The following SYBU variants were observed in gnomAD, a reference collection of about 807,000 sequenced individuals.
The protein encoded by SYBU is syntabulin, also known as GOLSYN A protein.
In SYBU, 21 loss-of-function variants were observed where a neutral mutation model predicts 35.9. The ratio of observed to expected loss-of-function variants is 0.58; its 90% CI spans 0.41 to 0.84. The LOEUF (loss-of-function observed/expected upper bound fraction) is 0.84. Ranked by LOEUF, SYBU falls within the 40% of genes least tolerant of loss-of-function variation. The pLI is 0.00. For missense variants in SYBU, 768 were observed against 848.2 expected (o/e 0.91, Z 1.17); for synonymous variants, 319 against 324.3 (o/e 0.98, Z 0.18).
chr8:109,669,913 T>A (rs1563774236), intron 1 of SYBU, among the ~76,000 whole-genome samples: 1 of 152,220 alleles, frequency 6.6e-6, no homozygotes, highest in Admixed American at 6.5e-5. Flanking sequence ...TGAATGCTCA[T>A]CATAGTCACA....
intron 3 of SYBU, among the ~76,000 whole-genome samples, chr8:109,591,111 A>C (rs1824189388): frequency 6.6e-6 from 1 of 152,254 alleles, no homozygotes. Context: ...GTGGTATAGC[A>C]GCAGCCTAAG....
At chr8:109,589,538 C>T (rs1423461487) in intron 3 of SYBU, among the ~76,000 whole-genome samples, 1 of 152,214 alleles carries the variant, frequency 6.6e-6, no homozygotes, top group Non-Finnish European at 1.5e-5. Context: ...CTGCAGAAGG[C>T]ACTTTTCCAA....
At chr8:109,647,640 A>G (rs1003454739), upstream of SYBU, 2 of 152,234 alleles carry the variant, frequency 1.3e-5, no homozygotes, top group East Asian at 3.8e-4. Flanking sequence ...CTATAACCCC[A>G]TAAGGGGCCC....
At chr8:109,645,284 C>T, upstream of SYBU, 1 of 456,698 alleles carries the variant, frequency 2.2e-6, no homozygotes, top group Non-Finnish European at 4.4e-6. Context: ...AGATCCCTCT[C>T]GTACCGGAGC....
At chr8:109,600,085 A>G (rs1825348302) in intron 3 of SYBU, among the ~76,000 whole-genome samples, 1 of 152,160 alleles carries the variant, frequency 6.6e-6, no homozygotes, top group Admixed American at 6.5e-5. Flanking sequence ...TATTTATCAC[A>G]TTGCACTGCA....
At chr8:109,589,712 A>G (rs141276811) in intron 3 of SYBU, among the ~76,000 whole-genome samples, 128 of 152,334 alleles carry the variant, frequency 8.4e-4, no homozygotes, top group African/African-American at 2.1e-3. Context: ...AGGAAGGAAA[A>G]ATGAAAACAA....
At chr8:109,651,937 C>A (rs1234467593) in intron 1 of SYBU, among the ~76,000 whole-genome samples, 1 of 152,180 alleles carries the variant, frequency 6.6e-6, no homozygotes, top group African/African-American at 2.4e-5. Flanking sequence ...ACTTTTCCTC[C>A]AGAAGGTAGA....
At chr8:109,671,870 T>G (rs750288850) in intron 1 of SYBU, among the ~76,000 whole-genome samples, 6 of 152,198 alleles carry the variant, frequency 3.9e-5, no homozygotes, top group Non-Finnish European at 8.8e-5. Flanking sequence ...TAAACCTTTT[T>G]GAAAAACTCA....
At chr8:109,602,813 G>C (rs1825683609) in intron 3 of SYBU, among the ~76,000 whole-genome samples, 1 of 152,126 alleles carries the variant, frequency 6.6e-6, no homozygotes, top group African/African-American at 2.4e-5. Flanking sequence ...GCATCTGTAG[G>C]GAGTGTGAGA....
chr8:109,655,121 A>T (rs1324373920), intron 1 of SYBU, among the ~76,000 whole-genome samples: 1 of 152,214 alleles, frequency 6.6e-6, no homozygotes, highest in Non-Finnish European at 1.5e-5. Flanking sequence ...AAGATCCCTC[A>T]TGATTTAATC....
rs866712863 is a variant in SYBU at position 109,690,832 on chromosome 8, G to C, written c.-58+501C>G. On this transcript the variant is annotated intron_variant, in intron 1 of 7. Coordinates refer to the SYBU transcript ENST00000422135. ...CTTTCTCACCTGGAATAGTCTTTAA[G>C]AAAGTTTCTCCAGGAAGCAGAAACT... Among the ~76,000 whole-genome samples, 12 of 152,242 alleles carry C rather than the reference G, an allele frequency of 7.9e-5. No homozygotes were observed. In the South Asian group the frequency reaches 2.5e-3, roughly 32 times the overall value.
chr8:109,618,973 C>T lies in SYBU; in HGVS notation c.296G>A (p.Ser99Asn). 6.2e-7 allele frequency: 1 copy of T among 1,614,182 alleles called. No individual in the cohort carries two copies. Among genetic ancestry groups the T allele is most frequent in the Non-Finnish European group, 8.5e-7 (1 of 1,180,004 alleles). The part of the protein sequence containing the change: ...PVKTPSDAGN[S>N]PIGFCPGSDE... ...ACTTCCAGGGCAAAAGCCAATGGGG[C>T]TGTTTCCAGCATCTGAGGGTGTCTT... is the stretch of plus-strand genomic sequence containing the variant. Residue 99 changes from serine (S) to asparagine (N), a missense_variant, in exon 3 of 7, where the codon AGC becomes AAC. Coordinates refer to ENST00000276646, the MANE Select transcript of SYBU (RefSeq NM_001099754.2).
At position 109,615,222 on chromosome 8, in the gene SYBU, T is replaced by C. The variant is rs577099691; in HGVS notation, c.427+3620A>G. 9.9e-5 allele frequency among the ~76,000 whole-genome samples: 15 copies of C among 152,236 alleles called. No homozygotes were observed. The East Asian group carries it at 2.7e-3, about 27-fold the overall frequency. On this transcript the variant is annotated intron_variant, in intron 3 of 6. Transcript: ENST00000276646. The stretch of plus-strand genomic sequence containing the variant: ...ACTAATTGCTTGCTATTTTAATAAA[T>C]TGGTATTGTTATTAATGAGTTGACT...
At chr8:109,689,694 T>A (rs571900593) in intron 1 of SYBU, among the ~76,000 whole-genome samples, 1 of 152,274 alleles carries the variant, frequency 6.6e-6, no homozygotes, top group East Asian at 1.9e-4. Flanking sequence ...ATCTATGCCA[T>A]CCTCACAAAG....
At chr8:109,588,677 T>C (rs1563689466) in intron 3 of SYBU, among the ~76,000 whole-genome samples, 1 of 152,096 alleles carries the variant, frequency 6.6e-6, no homozygotes, top group East Asian at 1.9e-4. Flanking sequence ...GCAAAATAAC[T>C]AAGAGAAAAG....
At chr8:109,585,933 A>G in intron 4 of SYBU, 127 bp downstream of exon 4, 1 of 689,718 alleles carries the variant, frequency 1.4e-6, no homozygotes, top group South Asian at 2.0e-5. Flanking sequence ...TAAAAAAACA[A>G]AACAAAAAGC....
chr8:109,632,793 G>A (rs187390736), intron 2 of SYBU, among the ~76,000 whole-genome samples: 74 of 152,254 alleles, frequency 4.9e-4, no homozygotes, highest in African/African-American at 1.5e-3. Context: ...AATAAATTAT[G>A]GTCCTCTGTA....
chr8:109,586,582 GTCAGCTACTCATAC>G (rs1163818237), intron 3 of SYBU: 1 of 157,568 alleles, frequency 6.3e-6, no homozygotes, highest in East Asian at 1.9e-4. Context: ...GGCTTCTGTA[GTCAGCTACTCATAC>G]TTCAATTTGG....
At chr8:109,602,963 C>A (rs778487172) in intron 3 of SYBU, among the ~76,000 whole-genome samples, 118 of 152,158 alleles carry the variant, frequency 7.8e-4, no homozygotes, top group Non-Finnish European at 1.5e-3. Flanking sequence ...TAAGTCCTGG[C>A]AGCACAACAG....
Sources: allele counts gnomAD v4.1 joint callset (sites outside exome capture counted in the v4.1 genomes callset), GRCh38; gene constraint gnomAD v4.1.1; transcripts MANE v1.5; gene names NCBI Gene and HGNC (gene_info 2026-07-23, HGNC 2026-07-21).